MACROD2: variants seen among roughly 807,000 people sequenced by gnomAD.
MACROD2 encodes the protein mono-ADP ribosylhydrolase 2, also known as ADP-ribose glycohydrolase MACROD2.
In MACROD2, 36 loss-of-function variants were observed where a neutral mutation model predicts 70.4. The ratio of observed to expected loss-of-function variants is 0.51; its 90% CI spans 0.39 to 0.68. The LOEUF is 0.68. Among genes scored for constraint, MACROD2 ranks in the 30% least tolerant of loss-of-function variants. The pLI, the probability that MACROD2 is intolerant of heterozygous loss-of-function variation, is 0.00. For synonymous variants in MACROD2, 172 were observed against 178.8 expected (o/e 0.96, Z 0.30); for missense variants, 496 against 538.4 (o/e 0.92, Z 0.78).
chr20:15,848,678 A>T (rs1302494599), intron 8 of MACROD2, among the ~76,000 whole-genome samples: 1 of 152,198 alleles, frequency 6.6e-6, no homozygotes, highest in Non-Finnish European at 1.5e-5. Context: ...GACAACCTAC[A>T]GAGGGTAAGA....
chr20:14,021,914 G>C (rs554078261), intron 2 of MACROD2, among the ~76,000 whole-genome samples: 1 of 152,224 alleles, frequency 6.6e-6, no homozygotes, highest in East Asian at 1.9e-4. Context: ...GAGAACCTTA[G>C]GGGGAAGGGG....
At chr20:14,734,220 CGG>C (rs2071630914) in intron 5 of MACROD2, among the ~76,000 whole-genome samples, 1 of 151,888 alleles carries the variant, frequency 6.6e-6, no homozygotes. Context: ...AATAAGGGGC[CGG>C]GCGTGGTGGC....
Position 15,148,181 on chromosome 20 carries a change from C to T in MACROD2, c.419-81759C>T, listed in dbSNP as rs571409125. On this transcript the variant is annotated intron_variant, in intron 5 of 17. Transcript: ENST00000684519. The stretch of plus-strand genomic sequence containing the variant: ...GGGCTGCTTCGAGCGGGATTAGGGG[C>T]GGTGTGGGAGCCTAGAGTGGGAGAG... Among the ~76,000 whole-genome samples, 10 of 151,336 alleles carry T rather than the reference C, an allele frequency of 6.6e-5. 1 individual carries two copies. Among genetic ancestry groups the T allele is most frequent in the Admixed American group, 6.6e-5 (1 of 15,186 alleles).
chr20:14,212,475 C>T (rs979456937), intron 3 of MACROD2, among the ~76,000 whole-genome samples: 11 of 152,212 alleles, frequency 7.2e-5, no homozygotes, highest in Non-Finnish European at 8.8e-5. Context: ...GATGCCCAGC[C>T]GGTAGCATTA....
chr20:14,770,462 T>A (rs2072150438), intron 5 of MACROD2, among the ~76,000 whole-genome samples: 1 of 152,110 alleles, frequency 6.6e-6, no homozygotes, highest in Non-Finnish European at 1.5e-5. Context: ...AAACTGTGTT[T>A]GTTCTATATG....
chr20:16,001,237 AT>A (rs913322791), intron 15 of MACROD2, among the ~76,000 whole-genome samples: 1 of 152,268 alleles, frequency 6.6e-6, no homozygotes, highest in Non-Finnish European at 1.5e-5. Flanking sequence ...AATGTTAATT[AT>A]TTTTTTCATC....
chr20:14,303,183 G>A (rs1037317736), intron 3 of MACROD2, among the ~76,000 whole-genome samples: 6 of 152,000 alleles, frequency 3.9e-5, no homozygotes, highest in African/African-American at 1.5e-4. Flanking sequence ...CTTGCTTTAG[G>A]GTCACATAGC....
chr20:14,956,334 A>G (rs1312009113), intron 5 of MACROD2, among the ~76,000 whole-genome samples: 1 of 152,194 alleles, frequency 6.6e-6, no homozygotes, highest in Admixed American at 6.5e-5. Flanking sequence ...TAAAACAGAA[A>G]AAAGATCAAT....
intron 3 of MACROD2, among the ~76,000 whole-genome samples, chr20:14,172,032 A>T (rs993418923): frequency 4.6e-5 from 7 of 152,212 alleles, no homozygotes; most frequent in Middle Eastern, 3.4e-3. Context: ...TTAGGTGTAT[A>T]TATATTTAGG....
intron 8 of MACROD2, among the ~76,000 whole-genome samples, chr20:15,515,018 T>C (rs1340196339): frequency 1.3e-5 from 2 of 152,180 alleles, no homozygotes; most frequent in Non-Finnish European, 2.9e-5. Flanking sequence ...TCATACAACT[T>C]AGAAAGAGTT....
chr20:14,544,032 T>A (rs1171452242), intron 4 of MACROD2, among the ~76,000 whole-genome samples: 1 of 152,160 alleles, frequency 6.6e-6, no homozygotes, highest in Non-Finnish European at 1.5e-5. Flanking sequence ...TAAGACATTA[T>A]CCCTGCTCTA....
intron 3 of MACROD2, among the ~76,000 whole-genome samples, chr20:14,182,259 T>G (rs2081310891): frequency 6.6e-6 from 1 of 152,226 alleles, no homozygotes; most frequent in Non-Finnish European, 1.5e-5. Flanking sequence ...TCTTTTCATG[T>G]GCTTACTGAT....
At chr20:15,727,750 G>A (rs182543358) in intron 8 of MACROD2, among the ~76,000 whole-genome samples, 1 of 152,062 alleles carries the variant, frequency 6.6e-6, no homozygotes, top group East Asian at 1.9e-4. Flanking sequence ...GCATGTTGTT[G>A]GTATATAGAA....
At chr20:14,258,129 C>T (rs1377301566) in intron 3 of MACROD2, among the ~76,000 whole-genome samples, 1 of 152,106 alleles carries the variant, frequency 6.6e-6, no homozygotes, top group Middle Eastern at 3.2e-3. Context: ...TTTATCCACT[C>T]ATTGGTTGTT....
chr20:14,937,894 C>T (rs1207425516), intron 5 of MACROD2, among the ~76,000 whole-genome samples: 2 of 151,988 alleles, frequency 1.3e-5, no homozygotes, highest in Admixed American at 6.6e-5. Context: ...TTATGCAGTC[C>T]ACTTTTTAGG....
chr20:14,071,754 G>A (rs192856793), intron 2 of MACROD2, among the ~76,000 whole-genome samples: 5 of 152,156 alleles, frequency 3.3e-5, no homozygotes, highest in African/African-American at 7.2e-5. Context: ...AGGTGAAATA[G>A]TAACATAATG....
chr20:14,187,355 A>G (rs1053526114), intron 3 of MACROD2, among the ~76,000 whole-genome samples: 12 of 152,332 alleles, frequency 7.9e-5, no homozygotes, highest in African/African-American at 9.6e-5. Flanking sequence ...CAATTGAAGC[A>G]GAAAAATTAT....
At chr20:15,865,635 TG>T (rs552087873) in intron 9 of MACROD2, among the ~76,000 whole-genome samples, 100 of 152,074 alleles carry the variant, frequency 6.6e-4, no homozygotes, top group Non-Finnish European at 1.3e-3. Flanking sequence ...TGAAAAGGGT[TG>T]GGGGAAAATT....
chr20:15,714,906 A>G lies in MACROD2; in HGVS notation c.646-147839A>G, dbSNP rs1390515382. ...CAAATTGTGTATGTGTATCTTGTTT[A>G]AAGTTCCCCAGTTTTTTCAATTAAA... On this transcript the variant is annotated intron_variant, in intron 8 of 17. Transcript: ENST00000684519. Among the ~76,000 whole-genome samples the G allele has an allele frequency of 2.0e-5, 3 of 152,106 alleles. No homozygotes were observed. The East Asian group carries it at 5.8e-4, about 29-fold the overall frequency.
Sources: allele counts gnomAD v4.1 joint callset (sites outside exome capture counted in the v4.1 genomes callset), GRCh38; gene constraint gnomAD v4.1.1; transcripts MANE v1.5; gene names NCBI Gene and HGNC (gene_info 2026-07-23, HGNC 2026-07-21).